The following RDX variants were observed in gnomAD, a reference collection of about 807,000 sequenced individuals.
RDX encodes radixin.
Under a neutral mutation model 83.7 loss-of-function variants are expected in RDX, and 32 were observed. The observed-to-expected ratio is 0.38, with a 90% CI of 0.29 to 0.51. RDX has a LOEUF of 0.51. Ranked by LOEUF, RDX falls within the 20% of genes least tolerant of loss-of-function variation. The pLI is 0.87. For missense variants in RDX, 600 were observed against 689.9 expected (o/e 0.87, Z 1.46); for synonymous variants, 229 against 222.7 (o/e 1.03, Z -0.25).
At chr11:110,284,818 C>T (rs1591185337) in intron 1 of RDX, among the ~76,000 whole-genome samples, 2 of 152,058 alleles carry the variant, frequency 1.3e-5, no homozygotes, top group South Asian at 2.1e-4. Flanking sequence ...CCACCACGCC[C>T]GGCCAACACA....
intron 15 of RDX, among the ~76,000 whole-genome samples, chr11:110,186,685 C>T (rs958822043): frequency 6.6e-6 from 1 of 152,042 alleles, no homozygotes; most frequent in Non-Finnish European, 1.5e-5. Flanking sequence ...CCCATCTTTC[C>T]GCAGGGGTTC....
At chr11:110,240,394 A>C (rs547928390) in intron 10 of RDX, among the ~76,000 whole-genome samples, 2 of 152,286 alleles carry the variant, frequency 1.3e-5, no homozygotes, top group East Asian at 3.9e-4. Flanking sequence ...GGGGAGTTGA[A>C]GGGAGGAGAA....
At chr11:110,260,829 TTAC>T (rs1183402131) in intron 5 of RDX, among the ~76,000 whole-genome samples, 16 of 152,224 alleles carry the variant, frequency 1.1e-4, no homozygotes, top group Admixed American at 9.2e-4. Flanking sequence ...CACTATATTA[TTAC>T]TACTATGTAG....
intron 9 of RDX, among the ~76,000 whole-genome samples, chr11:110,253,012 G>A (rs1048549921): frequency 6.6e-6 from 1 of 152,032 alleles, no homozygotes; most frequent in African/African-American, 2.4e-5. Context: ...TTGTTATGTG[G>A]TTAACTTCTC....
chr11:110,251,905 C>T (rs1859355507), intron 9 of RDX, among the ~76,000 whole-genome samples: 1 of 152,004 alleles, frequency 6.6e-6, no homozygotes, highest in African/African-American at 2.4e-5. Context: ...CTACTCTTTC[C>T]CAACTACTGT....
Position 110,266,258 on chromosome 11 carries a change from G to A in RDX, c.97-1384C>T, listed in dbSNP as rs185127694. Among the ~76,000 whole-genome samples the A allele has an allele frequency of 5.3e-3, 801 of 152,028 alleles. 3 individuals carry two copies. Among genetic ancestry groups the A allele is most frequent in the Non-Finnish European group, 9.3e-3 (632 of 67,946 alleles). On this transcript the variant is annotated intron_variant, in intron 3 of 13. Coordinates refer to ENST00000645495, the MANE Select transcript of RDX (RefSeq NM_002906.4). The stretch of plus-strand genomic sequence containing the variant: ...AGAAGCAGGAGAATGGCGTGAACCC[G>A]GGAAGCGGAGCTTGCAGTGAGCCGA...
chr11:110,224,200 A>G (rs967808267), intron 14 of RDX, among the ~76,000 whole-genome samples: 1 of 151,530 alleles, frequency 6.6e-6, no homozygotes, highest in African/African-American at 2.4e-5. Flanking sequence ...TTCTAACCCC[A>G]AACTGTTTAT....
At chr11:110,269,228 T>C (rs1860192871) in intron 3 of RDX, among the ~76,000 whole-genome samples, 1 of 152,158 alleles carries the variant, frequency 6.6e-6, no homozygotes, top group Admixed American at 6.6e-5. Context: ...TCCTCCCGCC[T>C]TGGCCTCCCA....
intron 5 of RDX, among the ~76,000 whole-genome samples, chr11:110,262,360 G>A (rs1859839880): frequency 6.6e-6 from 1 of 152,110 alleles, no homozygotes; most frequent in African/African-American, 2.4e-5. Context: ...CGAAGCGGGT[G>A]GATCATTTGA....
At chr11:110,253,594 T>C (rs1450041916) in intron 9 of RDX, among the ~76,000 whole-genome samples, 1 of 152,072 alleles carries the variant, frequency 6.6e-6, no homozygotes, top group African/African-American at 2.4e-5. Flanking sequence ...CTGACATTGT[T>C]TCAAAGTTAA....
At chr11:110,180,278 G>A (rs1043743654) in intron 15 of RDX, among the ~76,000 whole-genome samples, 9 of 88,082 alleles carry the variant, frequency 1.0e-4, no homozygotes, top group Admixed American at 8.6e-4. Flanking sequence ...GTCCTTCAGC[G>A]CTCATCATGC....
chr11:110,239,680 G>T (rs1321845956), intron 10 of RDX, among the ~76,000 whole-genome samples: 2 of 151,986 alleles, frequency 1.3e-5, no homozygotes, highest in African/African-American at 4.8e-5. Context: ...GCAAGGCTGG[G>T]CAAGGTGGCT....
chr11:110,279,155 C>T (rs1242994861), intron 2 of RDX, among the ~76,000 whole-genome samples: 5 of 152,174 alleles, frequency 3.3e-5, no homozygotes, highest in Non-Finnish European at 7.3e-5. Flanking sequence ...ATTCTTCTAA[C>T]CCTTACCATA....
chr11:110,281,794 T>C (rs1017056270), intron 1 of RDX, among the ~76,000 whole-genome samples: 4 of 152,084 alleles, frequency 2.6e-5, no homozygotes, highest in South Asian at 2.1e-4. Context: ...TCAGGTCTTA[T>C]CATCTCAGGT....
intron 5 of RDX, among the ~76,000 whole-genome samples, chr11:110,260,141 C>T (rs1197480677): frequency 6.6e-6 from 1 of 152,002 alleles, no homozygotes; most frequent in Admixed American, 6.5e-5. Flanking sequence ...CATGCACCAC[C>T]ACGCCCGGCT....
chr11:110,267,311 A>C (rs1334551611), intron 3 of RDX, among the ~76,000 whole-genome samples: 1 of 151,956 alleles, frequency 6.6e-6, no homozygotes, highest in Non-Finnish European at 1.5e-5. Context: ...CTAAGAGTTC[A>C]AGACCAGCCT....
intron 8 of RDX, 130 bp from the exon 9 acceptor site, chr11:110,254,239 A>T: frequency 1.3e-6 from 1 of 766,080 alleles, no homozygotes; most frequent in African/African-American, 1.7e-5. Context: ...ATAAGAAATC[A>T]TACAATTTCA....
chr11:110,235,707 T>C (rs572862099), intron 12 of RDX, among the ~76,000 whole-genome samples: 1 of 152,350 alleles, frequency 6.6e-6, no homozygotes, highest in South Asian at 2.1e-4. Flanking sequence ...CCTCGGCTGC[T>C]TATTGGTTAT....
At chr11:110,224,221 TAAAAAAAA>T (rs1298726577) in intron 14 of RDX, among the ~76,000 whole-genome samples, 1 of 146,358 alleles carries the variant, frequency 6.8e-6, no homozygotes, top group African/African-American at 2.5e-5. Context: ...ATATATATAT[TAAAAAAAA>T]AAAACAAAAA....
Sources: gnomAD v4.1 joint callset for allele counts (sites outside exome capture counted in the v4.1 genomes callset) on GRCh38, gnomAD v4.1.1 for gene constraint, MANE v1.5 for transcripts, NCBI Gene and HGNC (gene_info 2026-07-23, HGNC 2026-07-21) for gene names.